The following NFATC1 variants were observed in gnomAD, a reference collection of about 807,000 sequenced individuals.
NFATC1 encodes nuclear factor of activated T cells 1.
NFATC1 carries 22 observed loss-of-function variants against 76.0 expected under a neutral mutation model. The ratio of observed to expected loss-of-function variants is 0.29; its 90% CI spans 0.21 to 0.41. The LOEUF is 0.41. Ranked by LOEUF, NFATC1 falls within the 10% of genes least tolerant of loss-of-function variation. The pLI is 1.00. For missense variants in NFATC1, 1,357 were observed against 1,337.7 expected, an observed-to-expected ratio of 1.01 and a Z score of -0.23; for synonymous variants, 704 against 613.1, an observed-to-expected ratio of 1.15 and a Z score of -2.19.
intron 2 of NFATC1, among the ~76,000 whole-genome samples, chr18:79,432,623 G>T (rs1187363553): frequency 6.6e-6 from 1 of 152,204 alleles, no homozygotes; most frequent in Non-Finnish European, 1.5e-5. Context: ...TCCCAGAAAC[G>T]GACTCTGATG....
intron 3 of NFATC1, among the ~76,000 whole-genome samples, chr18:79,440,912 A>G (rs1015845895): frequency 6.6e-6 from 1 of 152,108 alleles, no homozygotes; most frequent in Non-Finnish European, 1.5e-5. Flanking sequence ...CCCAGGCCAG[A>G]CGTGGGAGTG....
intron 4 of NFATC1, among the ~76,000 whole-genome samples, chr18:79,450,400 TTATTA>T (rs1222148761): frequency 6.7e-6 from 1 of 148,560 alleles, no homozygotes; most frequent in Non-Finnish European, 1.5e-5. Flanking sequence ...TAATTATGAT[TTATTA>T]TATATTTTAT....
At chr18:79,487,963 G>A (rs1488293795) in intron 9 of NFATC1, among the ~76,000 whole-genome samples, 1 of 152,194 alleles carries the variant, frequency 6.6e-6, no homozygotes, top group African/African-American at 2.4e-5. Context: ...ACGTTTCCCA[G>A]GCCCGGGTTC....
At chr18:79,522,680 A>C (rs1299139445) in intron 9 of NFATC1, among the ~76,000 whole-genome samples, 1 of 152,104 alleles carries the variant, frequency 6.6e-6, no homozygotes, top group Non-Finnish European at 1.5e-5. Flanking sequence ...AGCACCCTGC[A>C]GGTGAAACAG....
chr18:79,438,572 A>T (rs1051274911), intron 3 of NFATC1, among the ~76,000 whole-genome samples: 2 of 152,238 alleles, frequency 1.3e-5, no homozygotes, highest in African/African-American at 4.8e-5. Flanking sequence ...AGGTCACTGG[A>T]ATGTGAAACG....
At position 79,410,918 on chromosome 18, in the gene NFATC1, A is replaced by G; in HGVS notation, c.643A>G (p.Thr215Ala). ...GTCTCCCTGCGTGTCTCCCAAGACC[A>G]CGGACCCCGAGGAGGGCTTTCCCCG... is the stretch of plus-strand genomic sequence containing the variant. ...WQSPCVSPKT[T>A]DPEEGFPRGL... Residue 215 changes from threonine to alanine, a missense_variant, in exon 2 of 10, where the codon ACG becomes GCG. This residue lies in a region of NFATC1 where 691 missense variants were observed against 613.1 expected (regional missense o/e 1.13). Coordinates refer to ENST00000427363, the MANE Select transcript of NFATC1 (RefSeq NM_001278669.2). This position sits in a 1 kb window ranked among gnomAD's most constrained non-coding sequence, Gnocchi z 6.7. 1.2e-6 allele frequency: 2 copies of G among 1,606,376 alleles called. No individual in the cohort carries two copies. The highest frequency in any genetic ancestry group is 1.7e-6 in the Non-Finnish European group (2 of 1,177,602).
chr18:79,442,935 G>A (rs377665886), intron 3 of NFATC1, among the ~76,000 whole-genome samples: 1 of 152,154 alleles, frequency 6.6e-6, no homozygotes, highest in Non-Finnish European at 1.5e-5. Context: ...AGCTTCCCTT[G>A]TAGCAAGTGA....
At chr18:79,490,414 G>T (rs925386977) in intron 9 of NFATC1, among the ~76,000 whole-genome samples, 1 of 149,628 alleles carries the variant, frequency 6.7e-6, no homozygotes, top group African/African-American at 2.5e-5. Flanking sequence ...GTGCAGGCCC[G>T]GCTCTGGGTT....
At chr18:79,516,519 C>T (rs926701379) in intron 9 of NFATC1, among the ~76,000 whole-genome samples, 1 of 152,178 alleles carries the variant, frequency 6.6e-6, no homozygotes, top group Admixed American at 6.5e-5. Context: ...GGCAGAACCG[C>T]CCTTGTTCTT....
intron 1 of NFATC1, among the ~76,000 whole-genome samples, chr18:79,407,182 A>G (rs1032927142): frequency 1.3e-5 from 2 of 152,244 alleles, no homozygotes; most frequent in Non-Finnish European, 2.9e-5. Context: ...AAAGTTGGTC[A>G]CAGAAGTTTT....
intron 8 of NFATC1, among the ~76,000 whole-genome samples, chr18:79,477,569 T>C (rs573227248): frequency 1.2e-4 from 17 of 146,318 alleles, no homozygotes; most frequent in African/African-American, 4.0e-4. Flanking sequence ...GTACTGTTGG[T>C]GGAAGAAGGG....
chr18:79,457,847 T>C (rs1238488572), intron 6 of NFATC1, among the ~76,000 whole-genome samples: 3 of 152,150 alleles, frequency 2.0e-5, no homozygotes, highest in Non-Finnish European at 4.4e-5. Context: ...CTGTGGAGCG[T>C]GGCATCCTCC....
intron 9 of NFATC1, among the ~76,000 whole-genome samples, chr18:79,519,440 C>T (rs2090461041): frequency 6.6e-6 from 1 of 152,150 alleles, no homozygotes; most frequent in Admixed American, 6.5e-5. Flanking sequence ...TCAAGCCATC[C>T]TCCCACCTCA....
At chr18:79,473,545 C>A (rs1255513721) in intron 8 of NFATC1, among the ~76,000 whole-genome samples, 1 of 149,962 alleles carries the variant, frequency 6.7e-6, no homozygotes, top group Non-Finnish European at 1.5e-5. Flanking sequence ...TCACTGTCGA[C>A]GTAAACCTGA....
chr18:79,508,883 T>C (rs2090180345), intron 9 of NFATC1, among the ~76,000 whole-genome samples: 1 of 152,096 alleles, frequency 6.6e-6, no homozygotes, highest in African/African-American at 2.4e-5. Flanking sequence ...TCTGTCTCTC[T>C]CTCCGTCCCT....
At chr18:79,420,163 T>C (rs2086022849) in intron 2 of NFATC1, among the ~76,000 whole-genome samples, 1 of 151,984 alleles carries the variant, frequency 6.6e-6, no homozygotes, top group Admixed American at 6.6e-5. Flanking sequence ...GCGAGGTTGC[T>C]GCAGAGGGGA....
intron 3 of NFATC1, among the ~76,000 whole-genome samples, chr18:79,437,096 A>T (rs938486510): frequency 3.3e-5 from 5 of 152,104 alleles, no homozygotes; most frequent in Non-Finnish European, 5.9e-5. Context: ...GTGGTTCAGG[A>T]TGGCCGGCAG....
At position 79,396,063 on chromosome 18, in the gene NFATC1, C is replaced by T; in HGVS notation, c.-162C>T. 1.1e-6 allele frequency: 1 copy of T among 895,532 alleles called. No individual in the cohort carries two copies. The highest frequency in any genetic ancestry group is 1.4e-6 in the Non-Finnish European group (1 of 709,444). The allele number at this position is 895,532 out of a possible 1,614,324, so 55.5% of individuals were successfully genotyped here. ...GCAGGTCCTAGGGCCGCGGCCGGGC[C>T]CCGCCACGCGCGCACACGCCCCTCG... On this transcript the variant is annotated 5_prime_UTR_variant, in exon 1 of 10. Coordinates refer to ENST00000427363, the MANE Select transcript of NFATC1 (RefSeq NM_001278669.2).
intron 1 of NFATC1, among the ~76,000 whole-genome samples, chr18:79,403,246 G>A (rs2085327152): frequency 6.6e-6 from 1 of 152,272 alleles, no homozygotes; most frequent in African/African-American, 2.4e-5. Flanking sequence ...GTGCTTTGAG[G>A]GAGGGGCTGT....
Sources: gnomAD v4.1 joint callset for allele counts (sites outside exome capture counted in the v4.1 genomes callset) on GRCh38, gnomAD v4.1.1 for gene constraint, gnomAD v4.1.1 regional missense constraint, Gnocchi (gnomAD v3.1) non-coding constraint, MANE v1.5 for transcripts, NCBI Gene and HGNC (gene_info 2026-07-23, HGNC 2026-07-21) for gene names.